ANKFN1: variants seen among roughly 807,000 people sequenced by gnomAD.
ANKFN1 encodes the protein ankyrin repeat and fibronectin type III domain containing 1, also known as ankyrin repeat and fibronectin type-III domain-containing protein 1.
A neutral mutation model predicts 108.7 loss-of-function variants in ANKFN1; 74 were observed. That is an observed-to-expected ratio of 0.68 (90% CI 0.56 to 0.83). The LOEUF is 0.83. Among genes scored for constraint, ANKFN1 ranks in the 40% least tolerant of loss-of-function variants. The pLI is 0.00. For missense variants in ANKFN1, 1,505 were observed against 1,382.3 expected, an observed-to-expected ratio of 1.09 and a Z score of -1.41; for synonymous variants, 547 against 516.2, an observed-to-expected ratio of 1.06 and a Z score of -0.81.
chr17:56,390,178 C>T (rs1009858926), intron 8 of ANKFN1, among the ~76,000 whole-genome samples: 7 of 152,058 alleles, frequency 4.6e-5, no homozygotes, highest in Non-Finnish European at 1.0e-4. Flanking sequence ...CGTATTTGTC[C>T]TATTGCTCTC....
At chr17:56,268,298 G>A (rs1463849237) in intron 3 of ANKFN1, among the ~76,000 whole-genome samples, 1 of 152,180 alleles carries the variant, frequency 6.6e-6, no homozygotes, top group Non-Finnish European at 1.5e-5. Flanking sequence ...ATACGATGAT[G>A]TGGAAATTAA....
chr17:56,139,002 C>A (rs1907762835), intron 4 of ANKFN1, among the ~76,000 whole-genome samples: 1 of 152,082 alleles, frequency 6.6e-6, no homozygotes, highest in Non-Finnish European at 1.5e-5. Context: ...TCTTAACAAC[C>A]TTATTATTAA....
chr17:56,182,751 A>G (rs959958578), intron 1 of ANKFN1, among the ~76,000 whole-genome samples: 3 of 152,216 alleles, frequency 2.0e-5, no homozygotes, highest in African/African-American at 4.8e-5. Context: ...TTGAAAGAAG[A>G]TGCCATTCAT....
At chr17:56,358,521 C>T (rs971973453) in intron 6 of ANKFN1, among the ~76,000 whole-genome samples, 1 of 152,146 alleles carries the variant, frequency 6.6e-6, no homozygotes, top group African/African-American at 2.4e-5. Flanking sequence ...TATACAGAAC[C>T]CCAGCCTACT....
intron 4 of ANKFN1, among the ~76,000 whole-genome samples, chr17:56,139,029 A>G (rs946078570): frequency 2.0e-5 from 3 of 152,208 alleles, no homozygotes; most frequent in Non-Finnish European, 4.4e-5. Flanking sequence ...AGATGATACA[A>G]TGAATGGGAG....
At chr17:56,480,344 A>AG (rs1401467294) in intron 16 of ANKFN1, among the ~76,000 whole-genome samples, 1 of 152,238 alleles carries the variant, frequency 6.6e-6, no homozygotes, top group Non-Finnish European at 1.5e-5. Flanking sequence ...TAGAATTTAC[A>AG]GGGGATCTGC....
At chr17:56,174,467 C>A (rs1323540255) in intron 1 of ANKFN1, 3 of 960,104 alleles carry the variant, frequency 3.1e-6, no homozygotes, top group Non-Finnish European at 3.7e-6. Flanking sequence ...TCTGGCTAGA[C>A]CTGGTGCAAT....
intron 3 of ANKFN1, among the ~76,000 whole-genome samples, chr17:56,234,377 G>A (rs916976153): frequency 3.3e-5 from 5 of 151,482 alleles, no homozygotes; most frequent in South Asian, 4.2e-4. Flanking sequence ...AGGTTAACAG[G>A]TACATGTGCA....
At chr17:56,138,415 C>T (rs539660667) in intron 4 of ANKFN1, among the ~76,000 whole-genome samples, 4 of 152,224 alleles carry the variant, frequency 2.6e-5, no homozygotes, top group South Asian at 4.2e-4. Context: ...TTTCATAGTA[C>T]TCATACAGCA....
chr17:56,090,194 C>T (rs1905386527), intron 4 of ANKFN1, among the ~76,000 whole-genome samples: 1 of 151,010 alleles, frequency 6.6e-6, no homozygotes. Flanking sequence ...TGAAATGGGG[C>T]GCTGTATAGT....
intron 8 of ANKFN1, among the ~76,000 whole-genome samples, chr17:56,435,959 T>G (rs1019901132): frequency 2.6e-5 from 4 of 152,070 alleles, no homozygotes; most frequent in African/African-American, 9.7e-5. Flanking sequence ...GTACCCAAAC[T>G]CTTCTGAGTT....
At chr17:56,174,431 CT>C (rs1324774379) in intron 1 of ANKFN1, 1 of 983,916 alleles carries the variant, frequency 1.0e-6, no homozygotes, top group Non-Finnish European at 1.2e-6. Flanking sequence ...AAGCAGTGAT[CT>C]TTTTAGTGAA....
At chr17:56,283,899 A>T (rs1273074364) in intron 3 of ANKFN1, among the ~76,000 whole-genome samples, 2 of 151,902 alleles carry the variant, frequency 1.3e-5, no homozygotes, top group Non-Finnish European at 2.9e-5. Context: ...AAATAAATTA[A>T]AAAAAAATCT....
Position 56,477,534 on chromosome 17 carries a change from G to A in ANKFN1, c.1820G>A (p.Gly607Glu). The change falls in exon 16 of 21, where the codon GGA becomes GAA. Residue 607 changes from glycine (G) to glutamate (E), a missense_variant. Transcript: ENST00000682825. ...AGGAGTCATCAGCGTCTCTTTCCTG[G>A]ATTATATCTGGGTTACCTAAAGCTC... ...HKRSHQRLFP[G>E]LYLGYLKLCS... The A allele has an allele frequency of 1.9e-6, 3 of 1,611,898 alleles. No individual in the cohort carries two copies. The East Asian group carries it at 6.7e-5, about 36-fold the overall frequency.
At chr17:56,206,270 C>G (rs780080930) in intron 1 of ANKFN1, among the ~76,000 whole-genome samples, 1 of 152,042 alleles carries the variant, frequency 6.6e-6, no homozygotes, top group Non-Finnish European at 1.5e-5. Context: ...ATTCAATTTT[C>G]TTCTGCTTTA....
chr17:56,257,564 G>A (rs140143044), intron 3 of ANKFN1, among the ~76,000 whole-genome samples: 78 of 152,162 alleles, frequency 5.1e-4, no homozygotes, highest in African/African-American at 1.8e-3. Context: ...CTCCCAGGAC[G>A]GTGCCCTCTC....
chr17:56,132,763 C>T (rs1313470522), intron 4 of ANKFN1, among the ~76,000 whole-genome samples: 1 of 152,138 alleles, frequency 6.6e-6, no homozygotes, highest in East Asian at 1.9e-4. Context: ...TGGCCATGTC[C>T]TCACATGGTG....
chr17:56,467,137 T>C (rs1454670954), intron 15 of ANKFN1, among the ~76,000 whole-genome samples: 6 of 151,596 alleles, frequency 4.0e-5, no homozygotes, highest in African/African-American at 9.7e-5. Context: ...AAAACAAACA[T>C]TGAGACCAAT....
chr17:56,387,783 TC>T (rs1173848881), intron 8 of ANKFN1, among the ~76,000 whole-genome samples: 1 of 152,184 alleles, frequency 6.6e-6, no homozygotes, highest in Non-Finnish European at 1.5e-5. Context: ...CAGTTGTAGT[TC>T]ACATTTCTTC....
Sources: allele counts gnomAD v4.1 joint callset (sites outside exome capture counted in the v4.1 genomes callset), GRCh38; gene constraint gnomAD v4.1.1; transcripts MANE v1.5; gene names NCBI Gene and HGNC (gene_info 2026-07-23, HGNC 2026-07-21).